The following LIX1 variants were observed in gnomAD, a reference collection of about 807,000 sequenced individuals.
LIX1 encodes the protein limb and CNS expressed 1.
LIX1 carries 24 observed loss-of-function variants against 33.4 expected under a neutral mutation model. The observed-to-expected ratio is 0.72, with a 90% confidence interval of 0.52 to 1.01. LIX1 has a LOEUF of 1.01. Ranked by LOEUF, LIX1 falls within the 50% of genes least tolerant of loss-of-function variation. The pLI, the probability that LIX1 is intolerant of heterozygous loss-of-function variation, is 0.00. For synonymous variants in LIX1, 124 were observed against 124.0 expected, an observed-to-expected ratio of 1.00 and a Z score of 0.00; for missense variants, 311 against 339.2, an observed-to-expected ratio of 0.92 and a Z score of 0.65.
At chr5:97,126,000 C>T (rs576388790) in intron 1 of LIX1, among the ~76,000 whole-genome samples, 1 of 152,314 alleles carries the variant, frequency 6.6e-6, no homozygotes, top group East Asian at 1.9e-4. Context: ...ATAGTTTGAG[C>T]TCCTGGTTTC....
At chr5:97,112,570 A>G (rs1460118382) in intron 2 of LIX1, among the ~76,000 whole-genome samples, 4 of 152,210 alleles carry the variant, frequency 2.6e-5, no homozygotes, top group Admixed American at 2.0e-4. Flanking sequence ...ATAGAAGGAC[A>G]ACTTCTGTCC....
At chr5:97,095,076 C>A (rs774625451) in intron 5 of LIX1, 41 bp from the exon 6 acceptor site, 43 of 1,583,822 alleles carry the variant, frequency 2.7e-5, no homozygotes, top group Non-Finnish European at 3.4e-5. Flanking sequence ...CAATAAAAAG[C>A]AACAAAGGCA....
chr5:97,136,957 T>G, intron 1 of LIX1: 1 of 217,162 alleles, frequency 4.6e-6, no homozygotes, highest in African/African-American at 2.3e-5. Flanking sequence ...GTGTTTGGGG[T>G]TAAAACATCA....
chr5:97,127,359 G>T (rs553909456), intron 1 of LIX1, among the ~76,000 whole-genome samples: 58 of 152,098 alleles, frequency 3.8e-4, no homozygotes, highest in African/African-American at 1.3e-3. Flanking sequence ...GCACTAAGTC[G>T]ATTTCTGTGT....
intron 2 of LIX1, among the ~76,000 whole-genome samples, chr5:97,115,334 A>G (rs1293815664): frequency 6.6e-6 from 1 of 152,218 alleles, no homozygotes; most frequent in Non-Finnish European, 1.5e-5. Context: ...AATACTTTAA[A>G]ACTATCTGTA....
intron 2 of LIX1, among the ~76,000 whole-genome samples, chr5:97,113,296 T>C (rs1158420278): frequency 6.6e-6 from 1 of 152,122 alleles, no homozygotes; most frequent in African/African-American, 2.4e-5. Context: ...CCAAAACCAC[T>C]CAGCTAAGCT....
chr5:97,102,497 T>C (rs1207163309), intron 4 of LIX1, among the ~76,000 whole-genome samples: 1 of 152,200 alleles, frequency 6.6e-6, no homozygotes, highest in Admixed American at 6.5e-5. Flanking sequence ...GAAGGGAGTT[T>C]GGATTTTCCC....
chr5:97,095,127 G>T (rs758663567), intron 5 of LIX1, 92 bp from the exon 6 acceptor site: 78 of 1,208,244 alleles, frequency 6.5e-5, no homozygotes, highest in Non-Finnish European at 8.8e-5. Context: ...ATCCATTAGG[G>T]TTTTATCAAC....
Position 97,094,630 on chromosome 5 carries a change from G to T in LIX1, c.*118C>A. On this transcript the variant is annotated 3_prime_UTR_variant, in exon 6 of 6. Transcript: ENST00000274382. ...TCTGTAAATGGAATGTGTGGAGAGG[G>T]TTAGGAGAGCCTTCAGGTAGTACTA... The T allele has an allele frequency of 1.1e-6, 1 of 902,754 alleles. No individual in the cohort carries two copies. Among genetic ancestry groups the T allele is most frequent in the Non-Finnish European group, 1.7e-6 (1 of 592,468 alleles). The allele number at this position is 902,754 out of a possible 1,614,324, so 55.9% of individuals were successfully genotyped here. A position where few individuals can be genotyped will look rare whatever the true frequency, so the allele number is the denominator to read the frequency against.
intron 1 of LIX1, among the ~76,000 whole-genome samples, chr5:97,131,283 A>G (rs1051928162): frequency 1.3e-5 from 2 of 152,012 alleles, no homozygotes; most frequent in East Asian, 1.9e-4. Context: ...TCTCCCTCCT[A>G]TTTTGAGTGT....
chr5:97,115,782 G>A (rs1024201901), intron 2 of LIX1, among the ~76,000 whole-genome samples: 6 of 151,516 alleles, frequency 4.0e-5, no homozygotes, highest in African/African-American at 1.5e-4. Context: ...GAACAGTAAT[G>A]TAATAGCTAA....
At chr5:97,126,331 C>T (rs1474801357) in intron 1 of LIX1, among the ~76,000 whole-genome samples, 1 of 152,080 alleles carries the variant, frequency 6.6e-6, no homozygotes, top group Non-Finnish European at 1.5e-5. Context: ...CATTGTATAG[C>T]CACTTTCTAA....
chr5:97,114,594 G>A (rs1365924810), intron 2 of LIX1, among the ~76,000 whole-genome samples: 2 of 152,056 alleles, frequency 1.3e-5, no homozygotes, highest in Non-Finnish European at 2.9e-5. Context: ...GTATTCCTGC[G>A]CCCAAAGCTG....
intron 2 of LIX1, among the ~76,000 whole-genome samples, chr5:97,117,622 T>C (rs1747670144): frequency 6.6e-6 from 1 of 152,240 alleles, no homozygotes; most frequent in Non-Finnish European, 1.5e-5. Context: ...CGCGTTTTTA[T>C]GTCTGGTAAT....
At chr5:97,137,260 T>A (rs1748192255) in intron 1 of LIX1, 21 of 292,870 alleles carry the variant, frequency 7.2e-5, no homozygotes, top group South Asian at 7.0e-4. Context: ...AATGAAGAGG[T>A]CCCAGATTTG....
chr5:97,131,709 T>G (rs1300304047), intron 1 of LIX1, among the ~76,000 whole-genome samples: 1 of 152,180 alleles, frequency 6.6e-6, no homozygotes, highest in African/African-American at 2.4e-5. Flanking sequence ...TTGAATTCAT[T>G]TGGAATCTAA....
chr5:97,106,754 C>T (rs1412200738), intron 3 of LIX1, among the ~76,000 whole-genome samples: 6 of 152,164 alleles, frequency 3.9e-5, no homozygotes, highest in African/African-American at 1.4e-4. Context: ...GTGTTTTGCT[C>T]TTAAAGCACT....
chr5:97,124,656 TTATTA>T, intron 1 of LIX1, 27 bp from the exon 2 acceptor site: 1 of 1,593,056 alleles, frequency 6.3e-7, no homozygotes, highest in Non-Finnish European at 8.6e-7. Flanking sequence ...ACACCATCAG[TTATTA>T]AGGATGGACA....
At chr5:97,105,360 G>T in intron 3 of LIX1, 75 bp from the exon 4 acceptor site, 3 of 1,250,894 alleles carry the variant, frequency 2.4e-6, no homozygotes, top group East Asian at 2.4e-5. Flanking sequence ...AATTAATTCT[G>T]TGACCACACA....
Sources: allele counts gnomAD v4.1 joint callset (sites outside exome capture counted in the v4.1 genomes callset), GRCh38; gene constraint gnomAD v4.1.1; transcripts MANE v1.5; gene names NCBI Gene and HGNC (gene_info 2026-07-23, HGNC 2026-07-21).